Variants in AMD1 observed in about 807,000 individuals in gnomAD.
The protein encoded by AMD1 is adenosylmethionine decarboxylase 1.
AMD1 carries 11 observed loss-of-function variants against 40.2 expected under a neutral mutation model. That is an observed-to-expected ratio of 0.27 (90% CI 0.17 to 0.45). The LOEUF (loss-of-function observed/expected upper bound fraction) is 0.45. AMD1 is among the 20% of genes least tolerant of loss of function. AMD1 has a pLI of 1.00. For synonymous variants in AMD1, 121 were observed against 130.8 expected (o/e 0.93, Z 0.51); for missense variants, 257 against 410.2 (o/e 0.63, Z 3.23).
chr6:110,825,705 G>T, the AMD1 span, among the ~76,000 whole-genome samples: 1 of 152,180 alleles, frequency 6.6e-6, no homozygotes, highest in Non-Finnish European at 1.5e-5. Context: ...ACTCTTCCAG[G>T]AGTGATATTC....
intron 1 of AMD1, among the ~76,000 whole-genome samples, chr6:110,881,314 A>C (rs561041423): frequency 6.6e-6 from 1 of 152,154 alleles, no homozygotes; most frequent in African/African-American, 2.4e-5. Flanking sequence ...TATCCACTGC[A>C]TGCTGGCAAC....
the AMD1 span, among the ~76,000 whole-genome samples, chr6:110,833,976 G>C: frequency 1.3e-5 from 2 of 151,124 alleles, no homozygotes; most frequent in African/African-American, 2.4e-5. Context: ...TTTTTTTTTA[G>C]ACTGTCACCC....
chr6:110,815,353 G>GCGA, the AMD1 span: 5 of 405,466 alleles, frequency 1.2e-5, no homozygotes, highest in Non-Finnish European at 1.7e-5. Context: ...CTCCTCCTCC[G>GCGA]CGACGGCGGC....
rs1283508273 is a variant in AMD1, at chr6:110,894,062, C to T, written c.*446C>T. 4 of 154,326 alleles carry T rather than the reference C, an allele frequency of 2.6e-5. No homozygotes were observed. Among genetic ancestry groups the T allele is most frequent in the Non-Finnish European group, 5.8e-5 (4 of 69,116 alleles). 9.6% of individuals were successfully genotyped at this position (154,326 alleles called of 1,614,324 possible). A position where few individuals can be genotyped will look rare whatever the true frequency, so the allele number is the denominator to read the frequency against. ...TTAAATTGCTGCCAGAATTTTACAT[C>T]CAGTTACCTCCACTTTCTAGAACAT... On this transcript the variant is annotated 3_prime_UTR_variant, in exon 9 of 9. Coordinates refer to ENST00000368885, the MANE Select transcript of AMD1 (RefSeq NM_001634.6).
chr6:110,858,627 A>C, the AMD1 span: 1 of 1,417,442 alleles, frequency 7.1e-7, no homozygotes, highest in Middle Eastern at 2.4e-4. Flanking sequence ...CTGGTGAGTA[A>C]GGCCAGGACT....
rs1328716253 is a variant in AMD1 at position 110,893,993 on chromosome 6, C to T, written c.*377C>T. ...ATTCCCCACAGACAAGGCTTTCGTC[C>T]TCATTAGGTGTTGGCCTCAGCCTAA... is the stretch of plus-strand genomic sequence containing the variant. On this transcript the variant is annotated 3_prime_UTR_variant, in exon 9 of 9. Coordinates refer to ENST00000368885, the MANE Select transcript of AMD1 (RefSeq NM_001634.6). 1 of 206,098 alleles carries T rather than the reference C, an allele frequency of 4.9e-6. No individual in the cohort carries two copies. The highest frequency in any genetic ancestry group is 1.0e-5 in the Non-Finnish European group (1 of 99,370). 12.8% of individuals were successfully genotyped at this position (206,098 alleles called of 1,614,324 possible). A position where few individuals can be genotyped will look rare whatever the true frequency, so the allele number is the denominator to read the frequency against.
At chr6:110,822,833 G>T in the AMD1 span, among the ~76,000 whole-genome samples, 1 of 152,146 alleles carries the variant, frequency 6.6e-6, no homozygotes, top group South Asian at 2.1e-4. Context: ...ACAAAAACCA[G>T]ACTGGGCACA....
Position 110,874,975 on chromosome 6 carries a change from C to CAAA in AMD1, c.-122_-120dup. On this transcript the variant is annotated 5_prime_UTR_variant, in exon 1 of 9. Transcript: ENST00000368885. ...AAAAAAAGTTAATATAAAATTATAG[C>CAAA]AAAAAAAAAAAGGAACCTGAACTTT... is the stretch of plus-strand genomic sequence containing the variant. 1.9e-6 allele frequency: 1 copy of CAAA among 529,900 alleles called. No individual in the cohort carries two copies. Among genetic ancestry groups the CAAA allele is most frequent in the Non-Finnish European group, 3.2e-6 (1 of 313,006 alleles). 32.8% of individuals were successfully genotyped at this position (529,900 alleles called of 1,614,324 possible). A position where few individuals can be genotyped will look rare whatever the true frequency, so the allele number is the denominator to read the frequency against.
chr6:110,874,566 G>A (rs370341436), upstream of AMD1, among the ~76,000 whole-genome samples: 1 of 152,126 alleles, frequency 6.6e-6, no homozygotes, highest in African/African-American at 2.4e-5. Flanking sequence ...GGACATCACA[G>A]CACCAACTCC....
At chr6:110,866,505 C>T in the AMD1 span, among the ~76,000 whole-genome samples, 26 of 152,204 alleles carry the variant, frequency 1.7e-4, no homozygotes, top group East Asian at 2.3e-3. Context: ...TTACAGACCA[C>T]GCTAGCAAAA....
chr6:110,860,870 C>CACACAGAG, the AMD1 span, among the ~76,000 whole-genome samples: 4 of 142,570 alleles, frequency 2.8e-5, no homozygotes, highest in East Asian at 4.2e-4. Flanking sequence ...CACACACACA[C>CACACAGAG]AGAGAGAGAG....
chr6:110,832,398 A>G, the AMD1 span, among the ~76,000 whole-genome samples: 1 of 150,028 alleles, frequency 6.7e-6, no homozygotes, highest in Non-Finnish European at 1.5e-5. Flanking sequence ...TAATCCTCCC[A>G]CCTTAGCCTC....
chr6:110,816,728 T>G, the AMD1 span, among the ~76,000 whole-genome samples: 1 of 152,166 alleles, frequency 6.6e-6, no homozygotes, highest in South Asian at 2.1e-4. Flanking sequence ...TCTCTTAACT[T>G]GTCTCCACCA....
the AMD1 span, among the ~76,000 whole-genome samples, chr6:110,860,833 C>CCACACA: frequency 6.8e-4 from 87 of 128,186 alleles, no homozygotes; most frequent in African/African-American, 2.2e-3. Context: ...AAACACCCAC[C>CCACACA]CACACACACA....
the AMD1 span, among the ~76,000 whole-genome samples, chr6:110,853,684 T>A: frequency 6.6e-6 from 1 of 152,140 alleles, no homozygotes. Context: ...CAAGCGATCC[T>A]CTCACCTCAG....
chr6:110,837,791 G>A, the AMD1 span, among the ~76,000 whole-genome samples: 1 of 132,062 alleles, frequency 7.6e-6, no homozygotes, highest in Non-Finnish European at 1.6e-5. Context: ...GGTTAGGGGC[G>A]GTGGCTCACA....
chr6:110,860,591 G>A, the AMD1 span, among the ~76,000 whole-genome samples: 1 of 151,842 alleles, frequency 6.6e-6, no homozygotes, highest in Non-Finnish European at 1.5e-5. Context: ...CTGAGGTCAG[G>A]AGTTCGCGAC....
chr6:110,874,949 T>A lies in AMD1; in HGVS notation c.-157T>A, dbSNP rs975137149. On this transcript the variant is annotated 5_prime_UTR_variant, in exon 1 of 9. Transcript: ENST00000368885. ...GGGAAAATTTTATTAGTCCTTTTTT[T>A]AAAAAAAGTTAATATAAAATTATAG... 14 of 598,194 alleles carry A rather than the reference T, an allele frequency of 2.3e-5. No homozygotes were observed. Among genetic ancestry groups the A allele is most frequent in the South Asian group, 4.5e-5 (2 of 44,540 alleles). 37.1% of individuals were successfully genotyped at this position (598,194 alleles called of 1,614,324 possible).
intron 1 of AMD1, among the ~76,000 whole-genome samples, chr6:110,881,279 C>T (rs1392851918): frequency 6.6e-6 from 1 of 151,934 alleles, no homozygotes; most frequent in Non-Finnish European, 1.5e-5. Flanking sequence ...TTAATTATAC[C>T]GTGTGTAGCA....
Sources: gnomAD v4.1 joint callset for allele counts (sites outside exome capture counted in the v4.1 genomes callset) on GRCh38, gnomAD v4.1.1 for gene constraint, MANE v1.5 for transcripts, NCBI Gene and HGNC (gene_info 2026-07-23, HGNC 2026-07-21) for gene names.